Variants in NOP53 observed in about 807,000 individuals in gnomAD.
NOP53 encodes the protein ribosome biogenesis protein NOP53.
NOP53 carries 40 observed loss-of-function variants against 61.0 expected under a neutral mutation model. That is an observed-to-expected ratio of 0.66 (90% CI 0.51 to 0.85). The LOEUF is 0.85. NOP53 is among the 40% of genes least tolerant of loss of function. NOP53 has a pLI of 0.00. For missense variants in NOP53, 689 were observed against 652.9 expected (o/e 1.06, Z -0.60); for synonymous variants, 308 against 289.5 (o/e 1.06, Z -0.65).
chr19:47,752,882 G>A (rs376299597), intron 6 of NOP53: 1 of 443,214 alleles, frequency 2.3e-6, no homozygotes, highest in South Asian at 3.3e-5. Context: ...GAGGCTGAGG[G>A]AGGGGTTTGC....
At chr19:47,752,463 C>T (rs762157904) in intron 5 of NOP53, 49 bp from the exon 6 acceptor site, 1 of 1,180,708 alleles carries the variant, frequency 8.5e-7, no homozygotes. Flanking sequence ...CCTGGGTCAC[C>T]CGCAGCCCCA....
intron 10 of NOP53, 48 bp from the exon 11 acceptor site, chr19:47,756,480 C>T (rs1967201127): frequency 1.3e-6 from 2 of 1,518,134 alleles, no homozygotes; most frequent in East Asian, 4.5e-5. Context: ...GGTCCAGGCC[C>T]TTGGGCTTCT....
intron 2 of NOP53, among the ~76,000 whole-genome samples, chr19:47,748,646 C>T (rs1374932654): frequency 4.6e-5 from 7 of 152,108 alleles, no homozygotes; most frequent in East Asian, 1.9e-4. Context: ...GTAAGCCCAG[C>T]GCTTTGGGAG....
rs761894698 is a variant in NOP53 at position 47,745,627 on chromosome 19, T to G, written c.68T>G (p.Leu23Arg). The change falls in exon 1 of 13, where the codon CTG (leucine) becomes CGG (arginine). Residue 23 changes from leucine (L) to arginine (R), a missense_variant. Coordinates refer to ENST00000246802, the MANE Select transcript of NOP53 (RefSeq NM_015710.5). ...AAAAGCGATGCCGATTCTGGTTTCCTGGGGCTGCGGCCCACTTCGGTGGAC... is the reference window on the plus strand; with the variant it reads ...AAAAGCGATGCCGATTCTGGTTTCCGGGGGCTGCGGCCCACTTCGGTGGAC... ...SSKSDADSGF[L>R]GLRPTSVDPA... 6.2e-7 allele frequency: 1 copy of G among 1,614,026 alleles called. No homozygotes were observed. Among genetic ancestry groups the G allele is most frequent in the East Asian group, 2.2e-5 (1 of 44,874 alleles).
chr19:47,752,417 C>T, intron 5 of NOP53, 95 bp from the exon 6 acceptor site: 2 of 766,946 alleles, frequency 2.6e-6, no homozygotes, highest in Non-Finnish European at 4.5e-6. Flanking sequence ...CACCCAACCA[C>T]TGGCAAGGCC....
At chr19:47,750,157 T>C (rs767787052) in intron 2 of NOP53, 21 bp from the exon 3 acceptor site, 1 of 1,516,044 alleles carries the variant, frequency 6.6e-7, no homozygotes. Flanking sequence ...GGCCTTGACT[T>C]GTTCTCTTTC....
chr19:47,747,929 T>C (rs1306741783), intron 2 of NOP53, among the ~76,000 whole-genome samples: 2 of 151,788 alleles, frequency 1.3e-5, no homozygotes, highest in Non-Finnish European at 2.9e-5. Context: ...TACAGGCATG[T>C]GCCACCATGC....
intron 3 of NOP53, among the ~76,000 whole-genome samples, chr19:47,750,653 CGTG>C (rs2123673700): frequency 6.6e-6 from 1 of 152,038 alleles, no homozygotes; most frequent in South Asian, 2.1e-4. Context: ...TTGGTTTTGA[CGTG>C]GTGGTGTGAG....
Position 47,747,005 on chromosome 19 carries a change from T to G in NOP53, c.263T>G (p.Phe88Cys). The G allele has an allele frequency of 6.2e-7, 1 of 1,613,940 alleles. No individual in the cohort carries two copies. The highest frequency in any genetic ancestry group is 8.5e-7 in the Non-Finnish European group (1 of 1,179,846). ...GAGGCCCCAAATGAAAAACTCTTCTTCGTGGACACTGGCTCCAAGGAAAAA... is the reference window on the plus strand; with the variant it reads ...GAGGCCCCAAATGAAAAACTCTTCTGCGTGGACACTGGCTCCAAGGAAAAA... Reference protein sequence around the residue: ...LSEAPNEKLFFVDTGSKEKGL... With the variant: ...LSEAPNEKLFCVDTGSKEKGL... The change falls in exon 2 of 13, where the codon TTC becomes TGC. Residue 88 changes from phenylalanine to cysteine, a missense_variant. Coordinates refer to ENST00000246802, the MANE Select transcript of NOP53 (RefSeq NM_015710.5).
At chr19:47,748,062 G>A (rs1967085432) in intron 2 of NOP53, among the ~76,000 whole-genome samples, 1 of 151,862 alleles carries the variant, frequency 6.6e-6, no homozygotes, top group South Asian at 2.1e-4. Flanking sequence ...TTACAGGCAT[G>A]AGCCACCACG....
Position 47,745,696 on chromosome 19 carries a change from G to A in NOP53, c.137G>A (p.Arg46Gln). The A allele has an allele frequency of 6.2e-7, 1 of 1,612,500 alleles. No homozygotes were observed. ...CGGCGAGGCCCAAGAAATAAGAAGC[G>A]GGGCTGGCGGCGGCTTGCTCAGGAG... ...RRRRGPRNKKRGWRRLAQEPL... is the reference protein window; with the variant it reads ...RRRRGPRNKKQGWRRLAQEPL... The change falls in exon 1 of 13, where the codon CGG becomes CAG. Residue 46 changes from arginine to glutamine, a missense_variant. Physicochemically the swap from Arg to Gln is conservative, Grantham distance 43. Transcript: ENST00000246802.
chr19:47,751,204 T>C, intron 4 of NOP53, 97 bp downstream of exon 4: 1 of 1,198,130 alleles, frequency 8.3e-7, no homozygotes, highest in Admixed American at 2.3e-5. Context: ...TGAAAGGGAG[T>C]GCTTTGTGGG....
Position 47,756,569 on chromosome 19 carries a change from G to C in NOP53, c.1338G>C (p.Gln446His). The change falls in exon 11 of 13, where the codon CAG (glutamine) becomes CAC (histidine). Residue 446 changes from glutamine to histidine, a missense_variant. Physicochemically the swap from Gln to His is conservative, Grantham distance 24. Coordinates refer to ENST00000246802, the MANE Select transcript of NOP53 (RefSeq NM_015710.5). Reference sequence around the variant, plus strand: ...TTCGAGACCGGTTCAAGAGCTTCCAGAGGAGGAATATGATCGAGCCTCGAG... The same window carrying C: ...TTCGAGACCGGTTCAAGAGCTTCCACAGGAGGAATATGATCGAGCCTCGAG... ...NILRDRFKSF[Q>H]RRNMIEPRER... 1.2e-6 allele frequency: 2 copies of C among 1,614,158 alleles called. No individual in the cohort carries two copies. The highest frequency in any genetic ancestry group is 1.7e-4 in the Middle Eastern group (1 of 6,060).
At chr19:47,750,746 C>T (rs1456485329) in intron 3 of NOP53, among the ~76,000 whole-genome samples, 162 bp from the exon 4 acceptor site, 5 of 151,958 alleles carry the variant, frequency 3.3e-5, no homozygotes, top group Admixed American at 2.0e-4. Context: ...TGGAGACAGA[C>T]GTGGGGAGAG....
At chr19:47,753,266 A>T (rs1568599691) in intron 6 of NOP53, 1 of 152,582 alleles carries the variant, frequency 6.6e-6, no homozygotes, top group East Asian at 1.9e-4. Flanking sequence ...CAACATGGTG[A>T]AACCCTGTCT....
At chr19:47,748,091 A>G (rs2123671108) in intron 2 of NOP53, among the ~76,000 whole-genome samples, 1 of 149,752 alleles carries the variant, frequency 6.7e-6, no homozygotes, top group South Asian at 2.1e-4. Flanking sequence ...AGCCTGGCTA[A>G]TTTCTGTATT....
intron 6 of NOP53, chr19:47,753,888 A>AT (rs1491148689): frequency 6.6e-6 from 1 of 152,140 alleles, no homozygotes; most frequent in Non-Finnish European, 1.5e-5. Context: ...AACCTCACAC[A>AT]TGTCAGCCAT....
intron 4 of NOP53, 76 bp downstream of exon 4, chr19:47,751,183 A>T: frequency 7.6e-7 from 1 of 1,316,294 alleles, no homozygotes; most frequent in Non-Finnish European, 1.1e-6. Context: ...GCACTGCACG[A>T]GAGTACAGTG....
chr19:47,747,439 C>T (rs943303901), intron 2 of NOP53, among the ~76,000 whole-genome samples: 5 of 151,990 alleles, frequency 3.3e-5, no homozygotes, highest in African/African-American at 4.8e-5. Flanking sequence ...GTCAGGAGTT[C>T]GAGACCAGCC....
Sources: allele counts gnomAD v4.1 joint callset (sites outside exome capture counted in the v4.1 genomes callset), GRCh38; gene constraint gnomAD v4.1.1; transcripts MANE v1.5; gene names NCBI Gene and HGNC (gene_info 2026-07-23, HGNC 2026-07-21).